FBXL5: variants seen among roughly 807,000 people sequenced by gnomAD.
FBXL5 encodes the protein F-box/LRR-repeat protein 5.
FBXL5 carries 26 observed loss-of-function variants against 78.3 expected under a neutral mutation model. The ratio of observed to expected loss-of-function variants is 0.33; its 90% CI spans 0.24 to 0.46. FBXL5 has a LOEUF of 0.46. Ranked by LOEUF, FBXL5 falls within the 20% of genes least tolerant of loss-of-function variation. FBXL5 has a pLI of 1.00. For missense variants in FBXL5, 710 were observed against 829.2 expected, an observed-to-expected ratio of 0.86 and a Z score of 1.77; for synonymous variants, 295 against 282.5, an observed-to-expected ratio of 1.04 and a Z score of -0.45.
At chr4:15,654,039 G>C (rs1408671892) in intron 1 of FBXL5, among the ~76,000 whole-genome samples, 2 of 152,232 alleles carry the variant, frequency 1.3e-5, no homozygotes, top group Non-Finnish European at 2.9e-5. Flanking sequence ...AGAAGATGGA[G>C]TGCTAAGATT....
At chr4:15,675,688 TCTC>T (rs1210689122) in intron 1 of FBXL5, among the ~76,000 whole-genome samples, 1 of 151,018 alleles carries the variant, frequency 6.6e-6, no homozygotes, top group Non-Finnish European at 1.5e-5. Context: ...TTCGAGCAAT[TCTC>T]CTGCCTCAGC....
chr4:15,654,427 GGGCCCAAAAT>G (rs1470806146), intron 1 of FBXL5, among the ~76,000 whole-genome samples: 5 of 152,130 alleles, frequency 3.3e-5, no homozygotes, highest in Non-Finnish European at 5.9e-5. Context: ...CACCAATTAT[GGGCCCAAAAT>G]GGTTCTCACA....
rs143000933 is a variant in FBXL5 at position 15,631,416 on chromosome 4, C to T, written c.767-625G>A. On this transcript the variant is annotated intron_variant, in intron 5 of 10. Transcript: ENST00000341285. ...TCTTTATAGTAGCATAATTTATAAT[C>T]CTTTGGGTATATACCCAGTAATGGG... is the stretch of plus-strand genomic sequence containing the variant. Among the ~76,000 whole-genome samples, 190 of 152,298 alleles carry T rather than the reference C, an allele frequency of 1.2e-3. 2 individuals carry two copies. Among genetic ancestry groups the T allele is most frequent in the African/African-American group, 4.2e-3 (173 of 41,562 alleles).
chr4:15,614,201 T>A (rs1417513764), intron 9 of FBXL5, among the ~76,000 whole-genome samples: 1 of 152,206 alleles, frequency 6.6e-6, no homozygotes, highest in Non-Finnish European at 1.5e-5. Context: ...GCTGTAATTG[T>A]TCTTTTCTGG....
chr4:15,661,978 T>C (rs777534687), upstream of FBXL5, among the ~76,000 whole-genome samples: 4 of 152,232 alleles, frequency 2.6e-5, no homozygotes, highest in Admixed American at 1.3e-4. Context: ...GAGTTACTTA[T>C]AATATGGTAG....
intron 1 of FBXL5, among the ~76,000 whole-genome samples, chr4:15,673,440 C>CA (rs1359941783): frequency 2.0e-5 from 3 of 151,112 alleles, no homozygotes; most frequent in African/African-American, 4.9e-5. Context: ...GACCTCATCT[C>CA]AAAAAAAATA....
upstream of FBXL5, chr4:15,655,367 G>A (rs1560243435): frequency 9.0e-7 from 1 of 1,114,238 alleles, no homozygotes; most frequent in Non-Finnish European, 1.1e-6. Context: ...CAGAGGCGGC[G>A]CGCCCCCTTG....
chr4:15,673,821 A>T (rs1413810069), intron 1 of FBXL5, among the ~76,000 whole-genome samples: 1 of 152,176 alleles, frequency 6.6e-6, no homozygotes, highest in African/African-American at 2.4e-5. Flanking sequence ...CAACAGAGGG[A>T]TTCCACTAGG....
intron 1 of FBXL5, among the ~76,000 whole-genome samples, chr4:15,650,639 A>G (rs1375579421): frequency 6.7e-6 from 1 of 149,730 alleles, no homozygotes; most frequent in Non-Finnish European, 1.5e-5. Flanking sequence ...TCCACATTTT[A>G]AAAGGATTTA....
At position 15,625,553 on chromosome 4, in the gene FBXL5, T is replaced by C. The variant is rs896103216; in HGVS notation, c.1549A>G (p.Thr517Ala). 1.9e-6 allele frequency: 3 copies of C among 1,614,156 alleles called. No homozygotes were observed. Among genetic ancestry groups the C allele is most frequent in the Non-Finnish European group, 2.5e-6 (3 of 1,180,030 alleles). Residue 517 changes from threonine to alanine, a missense_variant, in exon 9 of 11, where the codon ACC (threonine) becomes GCC (alanine). Coordinates refer to ENST00000341285, the MANE Select transcript of FBXL5 (RefSeq NM_012161.4). ...ATGTCCTTACTAAAACAACCAGAGG[T>C]GGAACAACTAAAGTTGGATGCTGTT... ...METASNFSCS[T>A]SGCFSKDIVG...
chr4:15,605,535 G>T lies in FBXL5; in HGVS notation c.*188C>A. On this transcript the variant is annotated 3_prime_UTR_variant, in exon 11 of 11. Coordinates refer to ENST00000341285, the MANE Select transcript of FBXL5 (RefSeq NM_012161.4). ...GACCTAATCCCTTTCTAAACCAAAA[G>T]TATAATTTGCAAGAGAAACAACATT... The T allele has an allele frequency of 1.8e-6, 1 of 555,416 alleles. No homozygotes were observed. The highest frequency in any genetic ancestry group is 2.3e-5 in the South Asian group (1 of 43,436). The allele number at this position is 555,416 out of a possible 1,614,324, so 34.4% of individuals were successfully genotyped here.
intron 1 of FBXL5, among the ~76,000 whole-genome samples, chr4:15,652,711 A>C (rs778960099): frequency 6.6e-6 from 1 of 152,186 alleles, no homozygotes; most frequent in Non-Finnish European, 1.5e-5. Flanking sequence ...CTAGTAAATA[A>C]ATGGATGCTT....
rs779007489 is a variant in FBXL5 at position 15,605,688 on chromosome 4, G to A, written c.*35C>T. ...AAGTGCATGAAAGAAAGCCTGCTCA[G>A]CTAAATGAAGTAGACAAAGATCAGA... is the stretch of plus-strand genomic sequence containing the variant. On this transcript the variant is annotated 3_prime_UTR_variant, in exon 11 of 11. Transcript: ENST00000341285. 60 of 1,588,904 alleles carry A rather than the reference G, an allele frequency of 3.8e-5. No homozygotes were observed. Among genetic ancestry groups the A allele is most frequent in the Non-Finnish European group, 4.7e-5 (54 of 1,158,288 alleles).
Position 15,605,803 on chromosome 4 carries a change from T to TTA in FBXL5, c.2000-5_2000-4insTA, listed in dbSNP as rs757530954. 19 of 1,612,440 alleles carry TTA rather than the reference T, an allele frequency of 1.2e-5. No homozygotes were observed. The African/African-American group carries it at 2.0e-4, about 17-fold the overall frequency. On this transcript the variant is annotated splice_region_variant and splice_polypyrimidine_tract_variant and intron_variant, in intron 10 of 10. Coordinates refer to ENST00000341285, the MANE Select transcript of FBXL5 (RefSeq NM_012161.4). ...CTGGCGGTATCAGCATGAGGACCTGTATGAAAACAGAAAAATGTGAAAGGA... is the reference window on the plus strand; with the variant it reads ...CTGGCGGTATCAGCATGAGGACCTGTTAATGAAAACAGAAAAATGTGAAAGGA...
At chr4:15,651,740 A>G (rs575290935) in intron 1 of FBXL5, among the ~76,000 whole-genome samples, 2 of 152,374 alleles carry the variant, frequency 1.3e-5, no homozygotes, top group East Asian at 3.9e-4. Context: ...CTTTCATAAA[A>G]GTAAACAGCA....
chr4:15,652,848 T>C (rs892210244), intron 1 of FBXL5, among the ~76,000 whole-genome samples: 3 of 152,078 alleles, frequency 2.0e-5, no homozygotes, highest in African/African-American at 7.2e-5. Context: ...AGTCTGAGCA[T>C]AAAAACTAGT....
chr4:15,606,823 T>A (rs928677926), intron 10 of FBXL5, among the ~76,000 whole-genome samples: 12 of 152,306 alleles, frequency 7.9e-5, no homozygotes, highest in African/African-American at 2.4e-4. Flanking sequence ...ATCACAGTAC[T>A]CTGGGGTGAT....
At chr4:15,632,645 A>G (rs1410811395) in intron 5 of FBXL5, among the ~76,000 whole-genome samples, 1 of 152,138 alleles carries the variant, frequency 6.6e-6, no homozygotes, top group Admixed American at 6.5e-5. Flanking sequence ...TTTAAGTTGT[A>G]TTCCTAGGTA....
At chr4:15,628,864 C>T (rs1467209758) in intron 6 of FBXL5, among the ~76,000 whole-genome samples, 1 of 151,896 alleles carries the variant, frequency 6.6e-6, no homozygotes, top group Non-Finnish European at 1.5e-5. Flanking sequence ...ATTTTATTCC[C>T]AAACCATTCT....
Sources: gnomAD v4.1 joint callset for allele counts (sites outside exome capture counted in the v4.1 genomes callset) on GRCh38, gnomAD v4.1.1 for gene constraint, MANE v1.5 for transcripts, NCBI Gene and HGNC (gene_info 2026-07-23, HGNC 2026-07-21) for gene names.